Variants in CPLX4 observed in about 807,000 individuals in gnomAD.
CPLX4 encodes the protein complexin-4.
Under a neutral mutation model 16.1 loss-of-function variants are expected in CPLX4, and 17 were observed. That is an observed-to-expected ratio of 1.06 (90% CI 0.72 to 1.59). CPLX4 has a LOEUF of 1.59. Among genes scored for constraint, CPLX4 ranks in the 40% most tolerant of loss-of-function variants. CPLX4 has a pLI of 0.00. For synonymous variants in CPLX4, 55 were observed against 57.8 expected (o/e 0.95, Z 0.22); for missense variants, 193 against 192.9 (o/e 1.00, Z 0.00).
At chr18:59,301,764 A>T (rs1187650068) in intron 2 of CPLX4, among the ~76,000 whole-genome samples, 2 of 152,202 alleles carry the variant, frequency 1.3e-5, no homozygotes, top group Non-Finnish European at 2.9e-5. Flanking sequence ...AGAATGAAAG[A>T]TTGTGGGATT....
chr18:59,305,386 A>T (rs2070569861), intron 2 of CPLX4, among the ~76,000 whole-genome samples: 1 of 151,442 alleles, frequency 6.6e-6, no homozygotes. Context: ...CAAACAAAAA[A>T]CAGGAAAGAA....
At chr18:59,303,503 G>C (rs550948131) in intron 2 of CPLX4, among the ~76,000 whole-genome samples, 15 of 152,238 alleles carry the variant, frequency 9.9e-5, no homozygotes, top group Non-Finnish European at 8.8e-5. Flanking sequence ...CTGCTTTTTA[G>C]GGGATGAGAA....
At chr18:59,307,934 T>TA (rs1404793053) in intron 2 of CPLX4, among the ~76,000 whole-genome samples, 2 of 137,090 alleles carry the variant, frequency 1.5e-5, no homozygotes, top group East Asian at 4.0e-4. Context: ...TTTGCCCGGC[T>TA]AATTTTTTTT....
intron 2 of CPLX4, among the ~76,000 whole-genome samples, chr18:59,311,396 A>G (rs967031212): frequency 6.6e-6 from 1 of 152,122 alleles, no homozygotes; most frequent in Non-Finnish European, 1.5e-5. Context: ...AACCTCTACC[A>G]TGTTTAAGTC....
chr18:59,300,268 G>A (rs994430023), intron 2 of CPLX4, among the ~76,000 whole-genome samples: 1 of 152,192 alleles, frequency 6.6e-6, no homozygotes, highest in African/African-American at 2.4e-5. Context: ...GGGAGGCAGA[G>A]GTTGCCATAA....
Position 59,296,923 on chromosome 18 carries a change from A to G in CPLX4, c.258T>C (p.Ser86=). The G allele has an allele frequency of 6.2e-7, 1 of 1,603,886 alleles. No individual in the cohort carries two copies. The highest frequency in any genetic ancestry group is 1.4e-5 in the African/African-American group (1 of 74,042). ...TCTGGATTTGATTCTCATCCATTTC[A>G]CTCTATGTGAAAAATAAATAGAGAT... The part of the protein sequence containing the change: ...HLREKYRLPK[S]EMDENQIQMA... The change falls in exon 3 of 3, where the codon AGT becomes AGC. Residue 86 remains serine, a splice_region_variant and synonymous_variant. Transcript: ENST00000299721.
intron 2 of CPLX4, among the ~76,000 whole-genome samples, chr18:59,306,724 C>T (rs2070578893): frequency 6.6e-6 from 1 of 152,174 alleles, no homozygotes; most frequent in Admixed American, 6.5e-5. Flanking sequence ...CCTGACAGCT[C>T]CCGGGAAGAC....
intron 2 of CPLX4, among the ~76,000 whole-genome samples, chr18:59,310,257 C>T (rs2070607967): frequency 1.3e-5 from 2 of 152,124 alleles, no homozygotes; most frequent in Non-Finnish European, 2.9e-5. Flanking sequence ...AGAGCAGTAG[C>T]CTATGCAGGT....
In CPLX4 at chr18:59,298,096, T is replaced by TA. The variant is rs964258409; in HGVS notation, c.256-1172_256-1171insT. Among the ~76,000 whole-genome samples the TA allele has an allele frequency of 9.6e-5, 13 of 134,792 alleles. No homozygotes were observed. The East Asian group carries it at 1.0e-3, about 11-fold the overall frequency. The allele number at this position is 134,792 out of a possible 152,430, so 88.4% of individuals were successfully genotyped here. On this transcript the variant is annotated intron_variant, in intron 2 of 2. Transcript: ENST00000299721. ...GCCTGGTCTTTGAGATTCCTTTATT[T>TA]TTTTTTTTTTTTAGACAGGGTCTCT...
At chr18:59,309,114 C>G (rs916424593) in intron 2 of CPLX4, among the ~76,000 whole-genome samples, 11 of 152,188 alleles carry the variant, frequency 7.2e-5, no homozygotes, top group Admixed American at 3.3e-4. Context: ...TTTTTCTTAT[C>G]ATATAGTTTT....
chr18:59,310,287 A>G (rs2070608229), intron 2 of CPLX4, among the ~76,000 whole-genome samples: 1 of 152,164 alleles, frequency 6.6e-6, no homozygotes, highest in Non-Finnish European at 1.5e-5. Flanking sequence ...ATCATTCTCC[A>G]GAGAGGACCT....
At chr18:59,298,408 C>T (rs560489184) in intron 2 of CPLX4, among the ~76,000 whole-genome samples, 1 of 152,156 alleles carries the variant, frequency 6.6e-6, no homozygotes, top group South Asian at 2.1e-4. Flanking sequence ...CATGAGGTGA[C>T]CTGGGTTTCA....
At chr18:59,298,108 T>A (rs1276277565) in intron 2 of CPLX4, among the ~76,000 whole-genome samples, 1 of 150,702 alleles carries the variant, frequency 6.6e-6, no homozygotes, top group African/African-American at 2.5e-5. Context: ...TTTTTTTTTT[T>A]AGACAGGGTC....
At position 59,310,221 on chromosome 18, in the gene CPLX4, C is replaced by T. The variant is rs563564672; in HGVS notation, c.255+2464G>A. Among the ~76,000 whole-genome samples, 35 of 139,830 alleles carry T rather than the reference C, an allele frequency of 2.5e-4. No homozygotes were observed. The East Asian group carries it at 7.1e-3, about 28-fold the overall frequency. The allele number at this position is 139,830 out of a possible 152,430, so 91.7% of individuals were successfully genotyped here. A position where few individuals can be genotyped will look rare whatever the true frequency, so the allele number is the denominator to read the frequency against. Reference sequence around the variant, plus strand: ...TGTTATTTATCAACATCCTTCATGTCGGTCCCTCCCCCTAGCTGGCTTTAG... The same window carrying T: ...TGTTATTTATCAACATCCTTCATGTTGGTCCCTCCCCCTAGCTGGCTTTAG... On this transcript the variant is annotated intron_variant, in intron 2 of 2. Coordinates refer to ENST00000299721, the MANE Select transcript of CPLX4 (RefSeq NM_181654.4).
rs766954020 is a variant in CPLX4, at chr18:59,312,788, T to A, written c.168-16A>T. ...TCTTTCCATCCTAAAAGTTAAAGAA[T>A]AAAGGATCAGAAGGATACAGAGAGC... On this transcript the variant is annotated splice_polypyrimidine_tract_variant and intron_variant, in intron 1 of 2. Transcript: ENST00000299721. 9.1e-7 allele frequency: 1 copy of A among 1,096,270 alleles called. No individual in the cohort carries two copies. Among genetic ancestry groups the A allele is most frequent in the South Asian group, 1.2e-5 (1 of 80,182 alleles). The allele number at this position is 1,096,270 out of a possible 1,614,324, so 67.9% of individuals were successfully genotyped here. A position where few individuals can be genotyped will look rare whatever the true frequency, so the allele number is the denominator to read the frequency against.
chr18:59,316,640 T>G (rs1000835974), intron 1 of CPLX4, among the ~76,000 whole-genome samples: 1 of 152,148 alleles, frequency 6.6e-6, no homozygotes, highest in Admixed American at 6.6e-5. Context: ...TATATAATAT[T>G]CTCACACACA....
chr18:59,313,072 G>C (rs571912475), intron 1 of CPLX4, among the ~76,000 whole-genome samples: 20 of 152,258 alleles, frequency 1.3e-4, no homozygotes, highest in Middle Eastern at 3.4e-3. Flanking sequence ...TGTTCAGCCA[G>C]GGACCATGAG....
intron 1 of CPLX4, among the ~76,000 whole-genome samples, chr18:59,315,412 C>T (rs565751634): frequency 1.9e-3 from 282 of 152,270 alleles, no homozygotes; most frequent in African/African-American, 6.4e-3. Context: ...AGGAGTTCTT[C>T]ATATTTCCTA....
chr18:59,317,430 T>C (rs1477779769), intron 1 of CPLX4, among the ~76,000 whole-genome samples: 1 of 152,136 alleles, frequency 6.6e-6, no homozygotes, highest in East Asian at 1.9e-4. Context: ...GAATCAGTCT[T>C]CAAGTGGTGA....
Sources: allele counts gnomAD v4.1 joint callset (sites outside exome capture counted in the v4.1 genomes callset), GRCh38; gene constraint gnomAD v4.1.1; transcripts MANE v1.5; gene names NCBI Gene and HGNC (gene_info 2026-07-23, HGNC 2026-07-21).